The following CCDC171 variants were observed in gnomAD, a reference collection of about 807,000 sequenced individuals.
CCDC171 encodes coiled-coil domain-containing protein 171.
CCDC171 carries 177 observed loss-of-function variants against 168.2 expected under a neutral mutation model. That is an observed-to-expected ratio of 1.05 (90% CI 0.93 to 1.19). The LOEUF (loss-of-function observed/expected upper bound fraction) is 1.19, where lower values mean the gene tolerates loss of function less well. Among genes scored for constraint, CCDC171 ranks in the 50% most tolerant of loss-of-function variants. The probability of loss-of-function intolerance (pLI) is 0.00; values close to 1 mark genes in which losing one functional copy is unlikely to be tolerated. For synonymous variants in CCDC171, 687 were observed against 540.8 expected, an observed-to-expected ratio of 1.27 and a Z score of -3.75; for missense variants, 1,991 against 1,539.0, an observed-to-expected ratio of 1.29 and a Z score of -4.91.
At chr9:15,853,766 C>A (rs1239605993) in intron 23 of CCDC171, among the ~76,000 whole-genome samples, 1 of 151,506 alleles carries the variant, frequency 6.6e-6, no homozygotes, top group South Asian at 2.1e-4. Flanking sequence ...TGAGAAAGTG[C>A]TCTTCCTTTC....
chr9:15,701,577 A>AT (rs71304894), intron 11 of CCDC171, among the ~76,000 whole-genome samples: 48,594 of 122,084 alleles, frequency 0.4, 11,090 homozygotes, highest in East Asian at 0.77. Flanking sequence ...GTACAATTCC[A>AT]TTTTTTTTTT....
rs770933658 is a variant in CCDC171 at position 15,777,696 on chromosome 9, T to C, written c.2768T>C (p.Ile923Thr). ...MDKISLVMEC[I>T]PLHSSRSITY... The stretch of plus-strand genomic sequence containing the variant: ...AAAATTAGTCTGGTAATGGAATGTA[T>C]ACCTCTGCACAGTAGCAGGAGTATT... The change falls in exon 19 of 26, where the codon ATA becomes ACA. Residue 923 changes from isoleucine to threonine, a missense_variant. By Grantham distance (89) the Ile-to-Thr change is moderately conservative (BLOSUM62 -1). Transcript: ENST00000380701. 93 of 1,613,774 alleles carry C rather than the reference T, an allele frequency of 5.8e-5. No homozygotes were observed. Among genetic ancestry groups the C allele is most frequent in the Non-Finnish European group, 7.5e-5 (88 of 1,179,800 alleles).
At chr9:15,944,987 C>T (rs1589204245) in intron 25 of CCDC171, among the ~76,000 whole-genome samples, 1 of 151,890 alleles carries the variant, frequency 6.6e-6, no homozygotes, top group East Asian at 1.9e-4. Flanking sequence ...CCCACTAACT[C>T]GTCATCTAGC....
At chr9:15,948,904 A>G (rs540323151) in intron 25 of CCDC171, among the ~76,000 whole-genome samples, 1 of 152,108 alleles carries the variant, frequency 6.6e-6, no homozygotes, top group Non-Finnish European at 1.5e-5. Flanking sequence ...GCCCATGCCT[A>G]TGTCCTGAAT....
At chr9:15,838,631 A>T (rs2060549096) in intron 21 of CCDC171, among the ~76,000 whole-genome samples, 1 of 152,170 alleles carries the variant, frequency 6.6e-6, no homozygotes, top group Admixed American at 6.5e-5. Flanking sequence ...ATCCTCTTCA[A>T]ATTTTGCCCA....
intron 10 of CCDC171, among the ~76,000 whole-genome samples, chr9:15,691,541 GTTTTTTATATATATAT>G (rs1265359432): frequency 2.6e-5 from 3 of 114,836 alleles, no homozygotes; most frequent in South Asian, 2.9e-4. Flanking sequence ...GTAAATATAT[GTTTTTTATATATATAT>G]ATATATATAT....
At chr9:16,085,694 A>G in the CCDC171 span, among the ~76,000 whole-genome samples, 1 of 152,228 alleles carries the variant, frequency 6.6e-6, no homozygotes, top group Non-Finnish European at 1.5e-5. Flanking sequence ...ATTGATGCCA[A>G]ATTATCAGCC....
At chr9:15,707,286 G>A (rs2052318512) in intron 11 of CCDC171, among the ~76,000 whole-genome samples, 1 of 152,186 alleles carries the variant, frequency 6.6e-6, no homozygotes, top group Admixed American at 6.5e-5. Flanking sequence ...ATTTTGTAAT[G>A]AGGTCATTAA....
chr9:15,829,081 T>C (rs2060129292), intron 21 of CCDC171, among the ~76,000 whole-genome samples: 1 of 152,212 alleles, frequency 6.6e-6, no homozygotes, highest in African/African-American at 2.4e-5. Context: ...ACTTCAAATA[T>C]ATTGTTACAT....
At chr9:15,673,514 T>C (rs2049281638) in intron 9 of CCDC171, among the ~76,000 whole-genome samples, 1 of 152,216 alleles carries the variant, frequency 6.6e-6, no homozygotes, top group Non-Finnish European at 1.5e-5. Flanking sequence ...TATTTTGAGA[T>C]ACGTTCCATC....
chr9:15,804,062 A>AT (rs2058958428), intron 21 of CCDC171, among the ~76,000 whole-genome samples: 1 of 152,018 alleles, frequency 6.6e-6, no homozygotes, highest in Admixed American at 6.6e-5. Flanking sequence ...AATGCTAGTG[A>AT]TTTTTGCACA....
At chr9:15,681,896 A>G (rs986100636) in intron 10 of CCDC171, among the ~76,000 whole-genome samples, 1 of 151,948 alleles carries the variant, frequency 6.6e-6, no homozygotes, top group African/African-American at 2.4e-5. Context: ...ACATGCCATG[A>G]TTTTACATAC....
intron 10 of CCDC171, among the ~76,000 whole-genome samples, chr9:15,689,879 A>G (rs1453611751): frequency 1.3e-5 from 2 of 152,180 alleles, no homozygotes; most frequent in African/African-American, 4.8e-5. Flanking sequence ...AGAATTGAGA[A>G]TCTAGAAAAA....
chr9:15,995,947 C>T (rs925836482), intron 3 of CCDC171, among the ~76,000 whole-genome samples: 19 of 152,188 alleles, frequency 1.2e-4, no homozygotes, highest in African/African-American at 4.3e-4. Flanking sequence ...TTCTATTTTT[C>T]ATTAACTTCT....
chr9:16,032,370 A>G (rs553446930), intron 6 of CCDC171, among the ~76,000 whole-genome samples: 161 of 152,354 alleles, frequency 1.1e-3, no homozygotes, highest in African/African-American at 3.6e-3. Flanking sequence ...GCAAGCTTGG[A>G]TGATGTGGAA....
intron 21 of CCDC171, among the ~76,000 whole-genome samples, chr9:15,810,030 C>G (rs960450426): frequency 1.3e-5 from 2 of 152,176 alleles, no homozygotes; most frequent in African/African-American, 4.8e-5. Flanking sequence ...CAAGTCCCCA[C>G]TAGATGAGCT....
At chr9:15,629,219 G>A (rs1271864439) in intron 7 of CCDC171, among the ~76,000 whole-genome samples, 1 of 152,106 alleles carries the variant, frequency 6.6e-6, no homozygotes, top group Non-Finnish European at 1.5e-5. Flanking sequence ...GGCTTCAGAC[G>A]ATCAAACTAC....
intron 21 of CCDC171, among the ~76,000 whole-genome samples, chr9:15,792,336 T>C (rs1317591499): frequency 6.6e-6 from 1 of 152,200 alleles, no homozygotes; most frequent in Admixed American, 6.5e-5. Flanking sequence ...AAAGACCAGA[T>C]CTACGTCTGT....
intron 6 of CCDC171, among the ~76,000 whole-genome samples, chr9:16,031,550 A>G (rs1054283211): frequency 6.6e-6 from 1 of 152,186 alleles, no homozygotes; most frequent in African/African-American, 2.4e-5. Context: ...TAAAAAACCA[A>G]GTTGTTCATG....
Sources: allele counts gnomAD v4.1 joint callset (sites outside exome capture counted in the v4.1 genomes callset), GRCh38; gene constraint gnomAD v4.1.1; transcripts MANE v1.5; gene names NCBI Gene and HGNC (gene_info 2026-07-23, HGNC 2026-07-21).